The following NOX4 variants were observed in gnomAD, a reference collection of about 807,000 sequenced individuals.
NOX4 encodes kidney oxidase-1.
A neutral mutation model predicts 87.6 loss-of-function variants in NOX4; 69 were observed. The ratio of observed to expected loss-of-function variants is 0.79; its 90% CI spans 0.65 to 0.96. The LOEUF is 0.96. NOX4 is among the 40% of genes least tolerant of loss of function. The pLI, the probability that NOX4 is intolerant of heterozygous loss-of-function variation, is 0.00. For synonymous variants in NOX4, 275 were observed against 238.2 expected (o/e 1.15, Z -1.42); for missense variants, 680 against 681.5 (o/e 1.00, Z 0.02).
chr11:89,332,213 A>G (rs925674577), intron 17 of NOX4, among the ~76,000 whole-genome samples: 5 of 151,858 alleles, frequency 3.3e-5, no homozygotes, highest in African/African-American at 1.2e-4. Flanking sequence ...AGGAGAAGTC[A>G]CTTGACTCAG....
chr11:89,570,817 C>A, the NOX4 span, among the ~76,000 whole-genome samples: 3 of 152,252 alleles, frequency 2.0e-5, no homozygotes, highest in Non-Finnish European at 4.4e-5. Context: ...GACAGCAAGA[C>A]CCTATCTCAA....
chr11:89,574,451 A>G, the NOX4 span, among the ~76,000 whole-genome samples: 1 of 152,224 alleles, frequency 6.6e-6, no homozygotes, highest in Non-Finnish European at 1.5e-5. Context: ...GGTTTCTTCC[A>G]GGTATTGAAG....
At chr11:89,358,481 T>TA in intron 12 of NOX4, among the ~76,000 whole-genome samples, 1 of 151,090 alleles carries the variant, frequency 6.6e-6, no homozygotes, top group South Asian at 2.1e-4. Context: ...GCATGTCTTT[T>TA]AAAAAAATTT....
intron 2 of NOX4, among the ~76,000 whole-genome samples, chr11:89,471,743 T>C (rs77368047): frequency 0.1 from 15,379 of 152,176 alleles, 1,009 homozygotes; most frequent in Non-Finnish European, 0.16. Context: ...TGTTTGTTTG[T>C]TTGTTTGTTT....
Position 89,484,126 on chromosome 11 carries a change from T to C in NOX4, c.153+6332A>G, listed in dbSNP as rs12099069. 7.5e-3 allele frequency among the ~76,000 whole-genome samples: 1,143 copies of C among 152,270 alleles called. 13 individuals are homozygous for C. Among genetic ancestry groups the C allele is most frequent in the African/African-American group, 0.026 (1,064 of 41,574 alleles). ...ATCACTGAGCACAATCTGTTATTGA[T>C]ATTATTCATATCATTTATTAAAAAA... On this transcript the variant is annotated intron_variant, in intron 2 of 17. Coordinates refer to ENST00000263317, the MANE Select transcript of NOX4 (RefSeq NM_016931.5).
intron 2 of NOX4, among the ~76,000 whole-genome samples, chr11:89,473,551 T>C (rs1255902560): frequency 6.6e-6 from 1 of 152,112 alleles, no homozygotes; most frequent in Non-Finnish European, 1.5e-5. Flanking sequence ...ATGATATATA[T>C]TAAAACTCAT....
intron 8 of NOX4, among the ~76,000 whole-genome samples, chr11:89,407,661 T>C (rs991989880): frequency 6.6e-6 from 1 of 152,054 alleles, no homozygotes; most frequent in Admixed American, 6.6e-5. Flanking sequence ...TTGCTTTCTG[T>C]TTGTTTCTTT....
chr11:89,495,977 G>A (rs1474447752), upstream of NOX4, among the ~76,000 whole-genome samples: 1 of 152,184 alleles, frequency 6.6e-6, no homozygotes, highest in African/African-American at 2.4e-5. Context: ...AACTGGTAGA[G>A]TGGGTAAAAG....
intron 2 of NOX4, among the ~76,000 whole-genome samples, chr11:89,480,327 T>A (rs1040229322): frequency 2.0e-5 from 3 of 152,152 alleles, no homozygotes; most frequent in Non-Finnish European, 4.4e-5. Context: ...CATGGCACCA[T>A]GACTGGAGCC....
At chr11:89,523,959 A>G in the NOX4 span, among the ~76,000 whole-genome samples, 1 of 152,196 alleles carries the variant, frequency 6.6e-6, no homozygotes, top group Non-Finnish European at 1.5e-5. Flanking sequence ...AAAACAAAAC[A>G]AAACAGATCA....
the NOX4 span, among the ~76,000 whole-genome samples, chr11:89,587,552 C>T: frequency 4.0e-5 from 6 of 151,716 alleles, no homozygotes; most frequent in Non-Finnish European, 8.8e-5. Flanking sequence ...GCCCACAAAG[C>T]CAAGGGAATA....
At chr11:89,569,875 G>A in the NOX4 span, among the ~76,000 whole-genome samples, 43 of 151,802 alleles carry the variant, frequency 2.8e-4, no homozygotes, top group African/African-American at 9.9e-4. Flanking sequence ...GGTGGCGGGC[G>A]CCTGTAATTC....
chr11:89,364,125 T>A (rs964456586), intron 12 of NOX4, among the ~76,000 whole-genome samples: 3 of 152,062 alleles, frequency 2.0e-5, no homozygotes, highest in African/African-American at 7.2e-5. Context: ...TATACACCTG[T>A]AGTCCTCACT....
chr11:89,459,897 T>C lies in NOX4; in HGVS notation c.154-8002A>G, dbSNP rs567516005. The stretch of plus-strand genomic sequence containing the variant: ...AACAAAGCTGGAGGCATCACACTAC[T>C]TGACTTCAAACTATACTACAAGGCT... On this transcript the variant is annotated intron_variant, in intron 2 of 17. Coordinates refer to ENST00000263317, the MANE Select transcript of NOX4 (RefSeq NM_016931.5). Among the ~76,000 whole-genome samples the C allele has an allele frequency of 3.9e-5, 6 of 152,178 alleles. No individual in the cohort carries two copies. In the South Asian group the frequency reaches 6.2e-4, roughly 16 times the overall value.
intron 5 of NOX4, 64 bp from the exon 6 acceptor site, chr11:89,440,779 AAG>A: frequency 1.1e-6 from 1 of 928,682 alleles, no homozygotes; most frequent in Non-Finnish European, 1.6e-6. Flanking sequence ...TAATTCTATA[AAG>A]AGTATGCAGG....
At chr11:89,391,923 C>G (rs1440860806) in intron 11 of NOX4, among the ~76,000 whole-genome samples, 1 of 141,254 alleles carries the variant, frequency 7.1e-6, no homozygotes, top group East Asian at 2.1e-4. Flanking sequence ...TTTCCTTTTC[C>G]CTTCCCCTTC....
At chr11:89,571,208 T>C in the NOX4 span, among the ~76,000 whole-genome samples, 1 of 152,226 alleles carries the variant, frequency 6.6e-6, no homozygotes, top group African/African-American at 2.4e-5. Flanking sequence ...TTTCCCACTT[T>C]ATTGGCAGCA....
At chr11:89,515,610 C>G in the NOX4 span, among the ~76,000 whole-genome samples, 2 of 151,372 alleles carry the variant, frequency 1.3e-5, no homozygotes, top group Non-Finnish European at 3.0e-5. Context: ...TTATGTTTCT[C>G]TGTTCTATTT....
the NOX4 span, among the ~76,000 whole-genome samples, chr11:89,552,870 C>T: frequency 2.0e-5 from 3 of 152,168 alleles, no homozygotes; most frequent in Non-Finnish European, 4.4e-5. Flanking sequence ...TCAAGACTCA[C>T]ATGTGTTTAT....
Sources: allele counts gnomAD v4.1 joint callset (sites outside exome capture counted in the v4.1 genomes callset), GRCh38; gene constraint gnomAD v4.1.1; transcripts MANE v1.5; gene names NCBI Gene and HGNC (gene_info 2026-07-23, HGNC 2026-07-21).